The following DST variants were observed in gnomAD, a reference collection of about 807,000 sequenced individuals.
DST encodes bullous pemphigoid antigen.
Under a neutral mutation model 875.2 loss-of-function variants are expected in DST, and 253 were observed. The observed-to-expected ratio is 0.29, with a 90% CI of 0.26 to 0.32. The LOEUF is 0.32. Among genes scored for constraint, DST ranks in the 10% least tolerant of loss-of-function variants. The pLI, the probability that DST is intolerant of heterozygous loss-of-function variation, is 1.00. For synonymous variants in DST, 3,124 were observed against 3,197.1 expected, an observed-to-expected ratio of 0.98 and a Z score of 0.77; for missense variants, 8,287 against 9,111.6, an observed-to-expected ratio of 0.91 and a Z score of 3.68.
At chr6:56,636,694 A>T (rs775504082) in intron 22 of DST, 42 bp from the exon 23 acceptor site, 1 of 1,473,622 alleles carries the variant, frequency 6.8e-7, no homozygotes, top group South Asian at 1.1e-5. Flanking sequence ...CTGGGGAGAA[A>T]TAAGGCACAC....
chr6:56,753,365 C>A (rs6938003), intron 4 of DST, among the ~76,000 whole-genome samples: 35,654 of 152,042 alleles, frequency 0.23, 5,479 homozygotes, highest in African/African-American at 0.43. Context: ...GTTTAGAGAG[C>A]ACCAACTTCA....
In DST at chr6:56,624,583, T is replaced by C. The variant is rs371681469; in HGVS notation, c.4876A>G (p.Thr1626Ala). Residue 1626 changes from threonine to alanine, a missense_variant, in exon 36 of 104, where the codon ACA becomes GCA. Transcript: ENST00000680361. ...TRYTALVTLM[T>A]QYIKFAGDSL... is the part of the protein sequence containing the mutation. ...TCACCAGCAAATTTAATATATTGTGTCATGAGAGTGACCAGGGCAGTATAT... is the reference window on the plus strand; with the variant it reads ...TCACCAGCAAATTTAATATATTGTGCCATGAGAGTGACCAGGGCAGTATAT... The C allele has an allele frequency of 6.2e-7, 1 of 1,613,550 alleles. No individual in the cohort carries two copies. Among genetic ancestry groups the C allele is most frequent in the Non-Finnish European group, 8.5e-7 (1 of 1,179,744 alleles).
chr6:56,839,832 G>A (rs1334208194), intron 4 of DST, among the ~76,000 whole-genome samples: 1 of 151,996 alleles, frequency 6.6e-6, no homozygotes, highest in Non-Finnish European at 1.5e-5. Context: ...CAAGGTATTT[G>A]TAAAAAACAG....
intron 4 of DST, among the ~76,000 whole-genome samples, chr6:56,822,640 GAT>G (rs899623802): frequency 6.6e-6 from 1 of 151,888 alleles, no homozygotes; most frequent in Non-Finnish European, 1.5e-5. Context: ...AAATTTCCCA[GAT>G]CCTCAAATAA....
chr6:56,681,454 A>G (rs956379086), intron 9 of DST, among the ~76,000 whole-genome samples: 1 of 152,076 alleles, frequency 6.6e-6, no homozygotes, highest in African/African-American at 2.4e-5. Flanking sequence ...GCCCTCACCA[A>G]TTCCCATCCC....
chr6:56,895,852 C>CA (rs1411027807), intron 3 of DST, among the ~76,000 whole-genome samples: 2 of 13,036 alleles, frequency 1.5e-4, no homozygotes, highest in South Asian at 1.4e-3. Flanking sequence ...CCATCTCCAC[C>CA]AAAAAAAAAC....
In DST at chr6:56,552,819, A is replaced by C; in HGVS notation, c.15973T>G (p.Leu5325Val). Residue 5325 changes from leucine (L) to valine (V), a missense_variant, in exon 61 of 104, where the codon TTG becomes GTG. By Grantham distance (32) the Leu-to-Val change is conservative. Coordinates refer to ENST00000680361, the MANE Select transcript of DST (RefSeq NM_001374736.1). The stretch of plus-strand genomic sequence containing the variant: ...TTAGCCAAATCTACCTGATGCTTCA[A>C]GGCCTGAAGTGATTTCTGCTGAGTT... ...LQTQQKSLQA[L>V]KHQVDLAKRL... The C allele has an allele frequency of 1.2e-6, 2 of 1,612,416 alleles. No homozygotes were observed. Among genetic ancestry groups the C allele is most frequent in the Non-Finnish European group, 1.7e-6 (2 of 1,179,890 alleles).
In DST at chr6:56,605,239, C is replaced by T. The variant is rs368516930; in HGVS notation, c.9389G>A (p.Ser3130Asn). The T allele has an allele frequency of 4.2e-5, 68 of 1,610,858 alleles. No individual in the cohort carries two copies. Among genetic ancestry groups the T allele is most frequent in the Non-Finnish European group, 5.5e-5 (65 of 1,178,292 alleles). Residue 3130 changes from serine to asparagine, a missense_variant, in exon 40 of 104, where the codon AGT becomes AAT. Ser to Asn is a conservative substitution (Grantham distance 46). Transcript: ENST00000680361. ...PNNLQIIVSK[S>N]PVQFENLEEI... ...TTCAAGATTCTCAAACTGAACAGGA[C>T]TTTTACTAACTATTATTTGTAGATT...
intron 49 of DST, among the ~76,000 whole-genome samples, chr6:56,585,434 G>A (rs1238365513): frequency 6.6e-6 from 1 of 151,944 alleles, no homozygotes; most frequent in Non-Finnish European, 1.5e-5. Context: ...TGGGATTGGT[G>A]GTGATATCCC....
intron 4 of DST, among the ~76,000 whole-genome samples, chr6:56,775,776 A>T (rs1054022569): frequency 6.6e-6 from 1 of 152,270 alleles, no homozygotes; most frequent in African/African-American, 2.4e-5. Flanking sequence ...GTAGCATAAC[A>T]TTGGATTATA....
At position 56,633,250 on chromosome 6, in the gene DST, G is replaced by A. The variant is rs61188595; in HGVS notation, c.3622-213C>T. On this transcript the variant is annotated intron_variant, in intron 27 of 103. Transcript: ENST00000680361. ...GTTTCACTCTTTTTTTTTTTGAGAC[G>A]GAGTCTCGCTCTGTCGCCCAGGCTG... 0.059 allele frequency among the ~76,000 whole-genome samples: 7,438 copies of A among 126,752 alleles called. 677 individuals carry two copies. Among genetic ancestry groups the A allele is most frequent in the African/African-American group, 0.24 (6,003 of 25,178 alleles). 83.2% of individuals were successfully genotyped at this position (126,752 alleles called of 152,430 possible).
chr6:56,774,992 CAAAA>C (rs71549720), intron 4 of DST, among the ~76,000 whole-genome samples: 1 of 52,314 alleles, frequency 1.9e-5, no homozygotes, highest in African/African-American at 5.2e-5. Flanking sequence ...AACTCCATCT[CAAAA>C]AAAAAAAAAA....
chr6:56,716,301 T>G (rs1215434940), intron 5 of DST, among the ~76,000 whole-genome samples: 1 of 152,204 alleles, frequency 6.6e-6, no homozygotes, highest in Non-Finnish European at 1.5e-5. Context: ...GGCAATTCAG[T>G]GGAGAAAGGA....
chr6:56,532,428 T>A lies in DST; in HGVS notation c.17024A>T (p.Glu5675Val), dbSNP rs1422839384. 6.2e-7 allele frequency: 1 copy of A among 1,613,412 alleles called. No individual in the cohort carries two copies. The highest frequency in any genetic ancestry group is 1.7e-5 in the Admixed American group (1 of 59,992). The change falls in exon 64 of 104, where the codon GAG becomes GTG. Residue 5675 changes from glutamate (E) to valine (V), a missense_variant. By Grantham distance (121) the Glu-to-Val change is moderately radical (BLOSUM62 -2). Around this residue, in one of 10 missense-constraint regions of DST, gnomAD observed 777 missense variants for 764.8 expected, o/e 1.02. Coordinates refer to ENST00000680361, the MANE Select transcript of DST (RefSeq NM_001374736.1). ...REGEKIATTA[E>V]PADKVKILKQ... ...CAAAATCTTCACTTTATCTGCGGGC[T>A]CTGCTGTTGTAGCAATTTTTTCTCC...
At chr6:56,815,987 GA>G (rs1473786160) in intron 4 of DST, among the ~76,000 whole-genome samples, 8 of 151,996 alleles carry the variant, frequency 5.3e-5, no homozygotes, top group Non-Finnish European at 8.8e-5. Context: ...CCCTGACTCT[GA>G]AAAAAAGTAA....
intron 92 of DST, among the ~76,000 whole-genome samples, chr6:56,475,394 A>AACACACACACAAACACACAC (rs1389911774): frequency 1.4e-4 from 20 of 144,980 alleles, no homozygotes; most frequent in African/African-American, 3.9e-4. Context: ...AGGCTTTTAA[A>AACACACACACAAACACACAC]ACACACACAC....
At chr6:56,757,870 A>C (rs2099608003) in intron 4 of DST, among the ~76,000 whole-genome samples, 1 of 152,200 alleles carries the variant, frequency 6.6e-6, no homozygotes, top group African/African-American at 2.4e-5. Context: ...ACTTCTCTCA[A>C]GTAAGAGAAA....
intron 89 of DST, 104 bp from the exon 90 acceptor site, chr6:56,482,282 A>T: frequency 7.5e-7 from 1 of 1,324,910 alleles, no homozygotes; most frequent in South Asian, 2.3e-5. Context: ...ATGAAAAAAA[A>T]AAAGTTTTAA....
chr6:56,463,121 T>C lies in DST; in HGVS notation c.22995A>G (p.Pro7665=), dbSNP rs752752252. The C allele has an allele frequency of 5.6e-6, 9 of 1,613,556 alleles. No homozygotes were observed. The highest frequency in any genetic ancestry group is 1.1e-5 in the South Asian group (1 of 91,058). The change falls in exon 102 of 104, where the codon CCA becomes CCG. Residue 7665 remains proline, a synonymous_variant. Coordinates refer to ENST00000680361, the MANE Select transcript of DST (RefSeq NM_001374736.1). ...TTGACATTTTGCTGTTTGTCAACCA[T>C]GGTTTACCATAATTGCGTGTTAAAG... ...LHPLTRNYGK[P]WLTNSKMSTP...
Sources: allele counts gnomAD v4.1 joint callset (sites outside exome capture counted in the v4.1 genomes callset), GRCh38; gene constraint gnomAD v4.1.1; regional missense constraint gnomAD v4.1.1; transcripts MANE v1.5; gene names NCBI Gene and HGNC (gene_info 2026-07-23, HGNC 2026-07-21).